SLC26A5: variants seen among roughly 807,000 people sequenced by gnomAD.
SLC26A5 encodes the protein prestin.
SLC26A5 carries 51 observed loss-of-function variants against 81.0 expected under a neutral mutation model. The observed-to-expected ratio is 0.63, with a 90% confidence interval of 0.50 to 0.80. The LOEUF (loss-of-function observed/expected upper bound fraction) is 0.80, where lower values mean the gene tolerates loss of function less well. SLC26A5 is among the 30% of genes least tolerant of loss of function. The pLI is 0.00. For missense variants in SLC26A5, 771 were observed against 905.8 expected (o/e 0.85, Z 1.91); for synonymous variants, 325 against 332.8 (o/e 0.98, Z 0.25).
intron 8 of SLC26A5, among the ~76,000 whole-genome samples, chr7:103,403,311 C>A (rs7792754): frequency 0.33 from 49,832 of 152,010 alleles, 11,640 homozygotes; most frequent in African/African-American, 0.67. Flanking sequence ...ATTTTAGAAT[C>A]AGAGTGATGT....
chr7:103,419,507 A>T (rs993465302), intron 4 of SLC26A5, among the ~76,000 whole-genome samples: 13 of 151,336 alleles, frequency 8.6e-5, no homozygotes, highest in African/African-American at 2.9e-4. Flanking sequence ...GACCTGAGTC[A>T]GGTCTCAGCT....
chr7:103,364,760 G>A (rs1317219512), intron 19 of SLC26A5, among the ~76,000 whole-genome samples: 2 of 151,926 alleles, frequency 1.3e-5, no homozygotes, highest in African/African-American at 4.8e-5. Context: ...TGCCTTTGTG[G>A]TCATTTGGAG....
chr7:103,366,085 A>C, intron 19 of SLC26A5: 1 of 1,611,838 alleles, frequency 6.2e-7, no homozygotes. Flanking sequence ...GGGGGCTCGA[A>C]TGGTTCGTGA....
At chr7:103,356,327 T>G (rs1333438760) in intron 19 of SLC26A5, among the ~76,000 whole-genome samples, 1 of 152,242 alleles carries the variant, frequency 6.6e-6, no homozygotes, top group African/African-American at 2.4e-5. Context: ...ATATTCGTGT[T>G]AAATGTTTCT....
intron 14 of SLC26A5, among the ~76,000 whole-genome samples, chr7:103,384,878 T>A (rs936512314): frequency 6.6e-6 from 1 of 152,188 alleles, no homozygotes; most frequent in African/African-American, 2.4e-5. Context: ...CTTATTAACA[T>A]CATCATCATG....
chr7:103,374,549 A>G lies in SLC26A5; in HGVS notation c.2085T>C (p.Asn695=), dbSNP rs1415313584. Residue 695 remains asparagine, a synonymous_variant, in exon 20 of 20, where the codon AAT becomes AAC. Coordinates refer to ENST00000306312, the MANE Select transcript of SLC26A5 (RefSeq NM_198999.3). ...GGAACAGCAGCTCCCATAGGGCAGG[A>G]TTTTCAAAAAATCTATTCCGAGTGA... The part of the protein sequence containing the change: ...NDLTRNRFFE[N]PALWELLFHS... 4 of 1,613,954 alleles carry G rather than the reference A, an allele frequency of 2.5e-6. No homozygotes were observed. Among genetic ancestry groups the G allele is most frequent in the Non-Finnish European group, 3.4e-6 (4 of 1,180,020 alleles).
In SLC26A5 at chr7:103,367,832, T is replaced by C. The variant is rs955214265; in HGVS notation, c.2041+8976A>G. 3.7e-6 allele frequency: 6 copies of C among 1,612,022 alleles called. No individual in the cohort carries two copies. The highest frequency in any genetic ancestry group is 4.2e-6 in the Non-Finnish European group (5 of 1,179,118). Reference sequence around the variant, plus strand: ...CTGGTAAGTAGAAAGTTCTTGCTTATATTTGCTGGTCTGTCTGCTCAGGCT... The same window carrying C: ...CTGGTAAGTAGAAAGTTCTTGCTTACATTTGCTGGTCTGTCTGCTCAGGCT... On this transcript the variant is annotated intron_variant, in intron 19 of 19. Coordinates refer to the SLC26A5 transcript ENST00000339444. The surrounding 1 kb of genome is among the most constrained non-coding windows in gnomAD (Gnocchi z 6.1).
chr7:103,418,404 G>GCT (rs1825087211), intron 4 of SLC26A5, among the ~76,000 whole-genome samples: 1 of 152,192 alleles, frequency 6.6e-6, no homozygotes, highest in African/African-American at 2.4e-5. Flanking sequence ...GTGGTTGTCA[G>GCT]CAGTCATTCC....
At chr7:103,404,388 A>C (rs563249769) in intron 8 of SLC26A5, among the ~76,000 whole-genome samples, 3 of 152,144 alleles carry the variant, frequency 2.0e-5, no homozygotes, top group Non-Finnish European at 4.4e-5. Flanking sequence ...GGTGGTGACA[A>C]AATCTCTCAG....
intron 6 of SLC26A5, among the ~76,000 whole-genome samples, chr7:103,411,112 A>G (rs1290824837): frequency 2.0e-5 from 3 of 152,132 alleles, no homozygotes; most frequent in Non-Finnish European, 2.9e-5. Context: ...CATGTAGACT[A>G]AAGTGCATGA....
intron 19 of SLC26A5, among the ~76,000 whole-genome samples, chr7:103,358,799 A>G (rs890035244): frequency 3.9e-5 from 6 of 152,154 alleles, no homozygotes; most frequent in African/African-American, 1.4e-4. Flanking sequence ...TAAAGCAGTT[A>G]GAGGGAAACT....
intron 14 of SLC26A5, among the ~76,000 whole-genome samples, chr7:103,383,863 A>C (rs1359924130): frequency 6.6e-6 from 1 of 152,038 alleles, no homozygotes; most frequent in African/African-American, 2.4e-5. Flanking sequence ...TGTAGGTCTC[A>C]CAATGCAATG....
At chr7:103,387,914 CT>C (rs1822323632) in intron 14 of SLC26A5, among the ~76,000 whole-genome samples, 1 of 152,178 alleles carries the variant, frequency 6.6e-6, no homozygotes, top group East Asian at 1.9e-4. Context: ...GAACTCCTGA[CT>C]TTGTGATCCA....
intron 2 of SLC26A5, among the ~76,000 whole-genome samples, chr7:103,437,833 G>C (rs1826569730): frequency 6.6e-6 from 1 of 152,202 alleles, no homozygotes; most frequent in Non-Finnish European, 1.5e-5. Context: ...GTTTAAGATA[G>C]ACAAGAATAG....
Position 103,378,509 on chromosome 7 carries a change from G to A in SLC26A5, c.1722C>T (p.Ala574=). ...CGACTTCCTTAGCGTACTTCCGCAT[G>A]GCCTTTCTCCTTGCTCCCATGATGA... ...PAVIMGARRK[A]MRKYAKEVGN... Residue 574 remains alanine, a synonymous_variant, in exon 17 of 20, where the codon GCC becomes GCT. Coordinates refer to ENST00000306312, the MANE Select transcript of SLC26A5 (RefSeq NM_198999.3). 6.2e-7 allele frequency: 1 copy of A among 1,614,166 alleles called. No homozygotes were observed.
intron 2 of SLC26A5, among the ~76,000 whole-genome samples, chr7:103,423,589 A>G (rs1408479620): frequency 2.0e-5 from 3 of 152,156 alleles, no homozygotes; most frequent in African/African-American, 7.2e-5. Context: ...AAGACTTAGC[A>G]CAGGGAGTTC....
chr7:103,366,211 A>C (rs377530617), intron 19 of SLC26A5: 11 of 1,488,456 alleles, frequency 7.4e-6, no homozygotes, highest in African/African-American at 1.4e-5. Flanking sequence ...GTTTCATGAA[A>C]GCTGTAAAGT....
chr7:103,436,269 G>C (rs56091055), intron 2 of SLC26A5, among the ~76,000 whole-genome samples: 11,792 of 152,164 alleles, frequency 0.077, 551 homozygotes, highest in South Asian at 0.11. Context: ...CTTGGCATTT[G>C]AGACGAAAGC....
chr7:103,372,435 T>C (rs1341537877), downstream of SLC26A5, among the ~76,000 whole-genome samples: 1 of 152,238 alleles, frequency 6.6e-6, no homozygotes, highest in Admixed American at 6.5e-5. Context: ...AAACTCACTA[T>C]CAGCAGGAAC....
Sources: allele counts gnomAD v4.1 joint callset (sites outside exome capture counted in the v4.1 genomes callset), GRCh38; gene constraint gnomAD v4.1.1; non-coding constraint Gnocchi (gnomAD v3.1); transcripts MANE v1.5; gene names NCBI Gene and HGNC (gene_info 2026-07-23, HGNC 2026-07-21).